Variants in PKHD1 observed in about 807,000 individuals in gnomAD.
PKHD1 encodes the protein fibrocystin.
Under a neutral mutation model 412.0 loss-of-function variants are expected in PKHD1, and 291 were observed. That is an observed-to-expected ratio of 0.71 (90% CI 0.64 to 0.78). The LOEUF (loss-of-function observed/expected upper bound fraction) is 0.78. PKHD1 is among the 30% of genes least tolerant of loss of function. The pLI is 0.00. For missense variants in PKHD1, 4,825 were observed against 4,950.7 expected, an observed-to-expected ratio of 0.97 and a Z score of 0.76; for synonymous variants, 1,777 against 1,821.5, an observed-to-expected ratio of 0.98 and a Z score of 0.62.
At chr6:51,742,144 A>G (rs1476022243) in intron 60 of PKHD1, among the ~76,000 whole-genome samples, 2 of 152,176 alleles carry the variant, frequency 1.3e-5, no homozygotes, top group African/African-American at 4.8e-5. Context: ...AGTGCTACCC[A>G]CATATTTTCT....
At chr6:51,917,712 T>A (rs769481419) in intron 37 of PKHD1, among the ~76,000 whole-genome samples, 1 of 152,276 alleles carries the variant, frequency 6.6e-6, no homozygotes, top group Non-Finnish European at 1.5e-5. Flanking sequence ...CTGCTACATA[T>A]GTGGCATGGC....
At chr6:51,928,782 C>G (rs1441379426) in intron 37 of PKHD1, among the ~76,000 whole-genome samples, 3 of 152,088 alleles carry the variant, frequency 2.0e-5, no homozygotes, top group African/African-American at 7.2e-5. Flanking sequence ...TCAATACATG[C>G]AGAGACAGCC....
At chr6:51,830,048 A>T (rs12524020) in intron 52 of PKHD1, among the ~76,000 whole-genome samples, 8,322 of 152,260 alleles carry the variant, frequency 0.055, 240 homozygotes, top group South Asian at 0.073. Flanking sequence ...GTTAGTTCTC[A>T]GTAAATGTTT....
chr6:52,030,063 G>T (rs1265195449), intron 29 of PKHD1, among the ~76,000 whole-genome samples: 1 of 152,170 alleles, frequency 6.6e-6, no homozygotes, highest in Non-Finnish European at 1.5e-5. Flanking sequence ...CATGGCTTGG[G>T]CTAAAGCATC....
chr6:51,624,581 C>A (rs1378846006), intron 66 of PKHD1, among the ~76,000 whole-genome samples: 1 of 152,152 alleles, frequency 6.6e-6, no homozygotes, highest in Non-Finnish European at 1.5e-5. Context: ...TAATACATTT[C>A]TTTTAGAAGA....
Position 52,025,642 on chromosome 6 carries a change from G to A in PKHD1, c.4168C>T (p.Arg1390Trp), listed in dbSNP as rs768458758. 1.4e-5 allele frequency: 23 copies of A among 1,614,028 alleles called. No individual in the cohort carries two copies. The highest frequency in any genetic ancestry group is 1.2e-4 in the Admixed American group (7 of 60,000). Residue 1390 changes from arginine to tryptophan, a missense_variant, in exon 32 of 67, where the codon CGG (arginine) becomes TGG (tryptophan). Arg to Trp is a moderately radical substitution (Grantham distance 101, BLOSUM62 -3). Coordinates refer to ENST00000371117, the MANE Select transcript of PKHD1 (RefSeq NM_138694.4). The stretch of plus-strand genomic sequence containing the variant: ...TGCGATGGGAAGATGGCCATTATCC[G>A]AGGCATCACTGCAAATTGCTGGAGC... ...VVLQQFAVMPRIMAIFPSQGS... is the reference protein window; with the variant it reads ...VVLQQFAVMPWIMAIFPSQGS...
chr6:51,812,983 C>T (rs1764922791), intron 52 of PKHD1, among the ~76,000 whole-genome samples: 1 of 152,152 alleles, frequency 6.6e-6, no homozygotes, highest in Non-Finnish European at 1.5e-5. Flanking sequence ...CCACCTATGA[C>T]CTGTAAGCCT....
intron 34 of PKHD1, among the ~76,000 whole-genome samples, chr6:52,016,332 T>C (rs1163933471): frequency 1.3e-5 from 2 of 152,032 alleles, no homozygotes; most frequent in Non-Finnish European, 2.9e-5. Context: ...TCTTGTTTAG[T>C]TTCATATTTT....
intron 36 of PKHD1, among the ~76,000 whole-genome samples, chr6:51,956,335 CAGTG>C (rs1791130566): frequency 6.6e-6 from 1 of 150,632 alleles, no homozygotes; most frequent in Non-Finnish European, 1.5e-5. Context: ...TGTGTGTAAT[CAGTG>C]AGAACAACTA....
At chr6:51,814,011 A>C (rs1765079552) in intron 52 of PKHD1, among the ~76,000 whole-genome samples, 1 of 152,186 alleles carries the variant, frequency 6.6e-6, no homozygotes, top group Middle Eastern at 3.2e-3. Flanking sequence ...ACCATACTTA[A>C]TGTATAAAAG....
At chr6:51,777,659 G>A (rs1446709434) in intron 53 of PKHD1, among the ~76,000 whole-genome samples, 1 of 138,366 alleles carries the variant, frequency 7.2e-6, no homozygotes, top group Non-Finnish European at 1.5e-5. Context: ...ATTTCACGGA[G>A]GGTAGTTTAG....
chr6:51,785,890 A>G (rs892663333), intron 53 of PKHD1, among the ~76,000 whole-genome samples: 9 of 152,146 alleles, frequency 5.9e-5, no homozygotes, highest in Admixed American at 2.6e-4. Flanking sequence ...TTTATTCATA[A>G]ATCTGCTTGT....
intron 60 of PKHD1, among the ~76,000 whole-genome samples, chr6:51,693,233 T>C (rs1291151557): frequency 6.6e-6 from 1 of 152,236 alleles, no homozygotes; most frequent in Admixed American, 6.5e-5. Flanking sequence ...CTCAGCCACT[T>C]TTCTCTATGA....
chr6:51,945,235 C>T (rs901424865), intron 36 of PKHD1, among the ~76,000 whole-genome samples: 4 of 152,102 alleles, frequency 2.6e-5, no homozygotes, highest in African/African-American at 4.8e-5. Context: ...ACAGGACTGC[C>T]GCATTGTAAA....
rs1173249219 is a variant in PKHD1 at position 52,058,455 on chromosome 6, C to T, written c.1380G>A (p.Gly460=). ...AMYYLEAEHH[G]IAPSRGMRIG... ...TCCTCATCCCCCTGCTTGGGGCTAT[C>T]CCATGATGCTCTGCTTCCAGGTAGT... The change falls in exon 16 of 67, where the codon GGG becomes GGA. Residue 460 remains glycine (G), a synonymous_variant. Coordinates refer to ENST00000371117, the MANE Select transcript of PKHD1 (RefSeq NM_138694.4). The T allele has an allele frequency of 6.2e-7, 1 of 1,614,196 alleles. No homozygotes were observed. Among genetic ancestry groups the T allele is most frequent in the Non-Finnish European group, 8.5e-7 (1 of 1,180,020 alleles).
At chr6:51,696,957 G>A (rs1160446061) in intron 60 of PKHD1, among the ~76,000 whole-genome samples, 1 of 152,186 alleles carries the variant, frequency 6.6e-6, no homozygotes, top group African/African-American at 2.4e-5. Flanking sequence ...GGGAGGTTGA[G>A]GTGAGCAGAT....
intron 66 of PKHD1, among the ~76,000 whole-genome samples, chr6:51,625,353 G>T (rs956045870): frequency 2.6e-5 from 4 of 152,114 alleles, no homozygotes; most frequent in African/African-American, 9.7e-5. Context: ...CAATAAGTAG[G>T]TGTTTCATAG....
At chr6:52,021,124 G>A (rs149454789) in intron 33 of PKHD1, among the ~76,000 whole-genome samples, 1 of 152,164 alleles carries the variant, frequency 6.6e-6, no homozygotes, top group Non-Finnish European at 1.5e-5. Flanking sequence ...CATTCCTCTA[G>A]AGTAAATGTG....
In PKHD1 at chr6:51,909,270, C is replaced by T. The variant is rs780221300; in HGVS notation, c.6682+13G>A. 3.1e-6 allele frequency: 5 copies of T among 1,605,784 alleles called. No homozygotes were observed. Among genetic ancestry groups the T allele is most frequent in the East Asian group, 2.2e-5 (1 of 44,818 alleles). Reference sequence around the variant, plus strand: ...AAGAAACATGAGAAAGTCCTAGGTCCGGACCCCCTTACCTCTCATAGCTCC... The same window carrying T: ...AAGAAACATGAGAAAGTCCTAGGTCTGGACCCCCTTACCTCTCATAGCTCC... On this transcript the variant is annotated intron_variant, in intron 40 of 66. Coordinates refer to ENST00000371117, the MANE Select transcript of PKHD1 (RefSeq NM_138694.4).
Sources: allele counts gnomAD v4.1 joint callset (sites outside exome capture counted in the v4.1 genomes callset), GRCh38; gene constraint gnomAD v4.1.1; transcripts MANE v1.5; gene names NCBI Gene and HGNC (gene_info 2026-07-23, HGNC 2026-07-21).